ANO3: variants seen among roughly 807,000 people sequenced by gnomAD.
ANO3 encodes the protein anoctamin-3.
Under a neutral mutation model 144.8 loss-of-function variants are expected in ANO3, and 99 were observed. The ratio of observed to expected loss-of-function variants is 0.68; its 90% CI spans 0.58 to 0.81. The LOEUF (loss-of-function observed/expected upper bound fraction) is 0.81. Ranked by LOEUF, ANO3 falls within the 30% of genes least tolerant of loss-of-function variation. The pLI is 0.00. For synonymous variants in ANO3, 414 were observed against 392.6 expected, an observed-to-expected ratio of 1.05 and a Z score of -0.64; for missense variants, 905 against 1,202.2, an observed-to-expected ratio of 0.75 and a Z score of 3.66.
intron 7 of ANO3, among the ~76,000 whole-genome samples, chr11:26,526,259 T>G (rs905297673): frequency 1.3e-5 from 2 of 152,134 alleles, no homozygotes; most frequent in Non-Finnish European, 2.9e-5. Context: ...TAAGAATAAC[T>G]ATGGAAAAGG....
intron 4 of ANO3, among the ~76,000 whole-genome samples, chr11:26,487,480 G>A (rs181837648): frequency 9.9e-5 from 15 of 152,218 alleles, no homozygotes; most frequent in Middle Eastern, 6.8e-3. Context: ...GTAGAGTGGC[G>A]TGTTCCTGAA....
chr11:26,502,289 C>T (rs192362103), intron 4 of ANO3, among the ~76,000 whole-genome samples: 30 of 152,122 alleles, frequency 2.0e-4, no homozygotes, highest in East Asian at 9.7e-4. Context: ...ATCAGTGTTG[C>T]GACTGTTCTG....
Position 26,553,219 on chromosome 11 carries a change from G to GTTTTTTTTT in ANO3, c.1290-26_1290-25insTTTTTTTTT, listed in dbSNP as rs201093158. On this transcript the variant is annotated intron_variant, in intron 12 of 26. Transcript: ENST00000256737. ...TAGTCACAGTTTCATGCTATGTTTT[G>GTTTTTTTTT]TTTTGTTTTTGTTTTTGTTTTTTCT... 2.3e-4 allele frequency: 274 copies of GTTTTTTTTT among 1,198,454 alleles called. 13 individuals are homozygous for GTTTTTTTTT. Among genetic ancestry groups the GTTTTTTTTT allele is most frequent in the Middle Eastern group, 6.1e-4 (3 of 4,912 alleles). 74.2% of individuals were successfully genotyped at this position (1,198,454 alleles called of 1,614,324 possible).
At chr11:26,593,878 C>T (rs566780051) in intron 14 of ANO3, among the ~76,000 whole-genome samples, 25 of 152,200 alleles carry the variant, frequency 1.6e-4, no homozygotes, top group Admixed American at 1.3e-3. Context: ...CGTCCCGTTC[C>T]GCCTGCTCTT....
chr11:26,618,653 T>C (rs557926809), intron 17 of ANO3, among the ~76,000 whole-genome samples: 1 of 152,286 alleles, frequency 6.6e-6, no homozygotes, highest in East Asian at 1.9e-4. Context: ...CACTTTTCCA[T>C]TCTCTTCTTG....
intron 5 of ANO3, 35 bp downstream of exon 5, chr11:26,508,297 A>G (rs751046428): frequency 6.4e-7 from 1 of 1,553,518 alleles, no homozygotes; most frequent in African/African-American, 1.4e-5. Flanking sequence ...ATGTGATAAA[A>G]TGTGTTGGAA....
At chr11:26,612,668 C>T (rs1852133070) in intron 17 of ANO3, among the ~76,000 whole-genome samples, 1 of 151,920 alleles carries the variant, frequency 6.6e-6, no homozygotes, top group Admixed American at 6.6e-5. Context: ...TTTAGCATTT[C>T]TTGTAAGGCC....
intron 3 of ANO3, among the ~76,000 whole-genome samples, chr11:26,449,521 GCA>G (rs1429162835): frequency 5.5e-5 from 5 of 90,348 alleles, no homozygotes; most frequent in East Asian, 5.2e-4. Context: ...ACACACACAC[GCA>G]CGCACATCTC....
At position 26,643,252 on chromosome 11, in the gene ANO3, C is replaced by T. The variant is rs780966910; in HGVS notation, c.2346C>T (p.Asn782=). The T allele has an allele frequency of 2.5e-6, 4 of 1,614,186 alleles. No homozygotes were observed. Among genetic ancestry groups the T allele is most frequent in the Middle Eastern group, 1.6e-4 (1 of 6,062 alleles). The change falls in exon 23 of 27, where the codon AAC becomes AAT. Residue 782 remains asparagine, a synonymous_variant. Transcript: ENST00000256737. ...FPLAPLLALL[N]NIIEIRLDAY... ...TAGCCCCTCTTTTGGCTTTGTTAAA[C>T]AATATCATTGAAATCAGGCTGGATG...
intron 4 of ANO3, among the ~76,000 whole-genome samples, chr11:26,483,576 T>C (rs1408581032): frequency 2.0e-5 from 3 of 152,190 alleles, no homozygotes; most frequent in African/African-American, 7.2e-5. Flanking sequence ...GTAAGTTTTC[T>C]GAGTGCCCCC....
At chr11:26,409,566 G>A (rs77881987) in intron 1 of ANO3, among the ~76,000 whole-genome samples, 1 of 151,910 alleles carries the variant, frequency 6.6e-6, no homozygotes, top group Non-Finnish European at 1.5e-5. Context: ...CATGAATCAT[G>A]TCAGTACACT....
intron 7 of ANO3, among the ~76,000 whole-genome samples, chr11:26,530,415 GTT>G (rs754167831): frequency 1.6e-4 from 10 of 62,140 alleles, no homozygotes; most frequent in Admixed American, 4.4e-4. Flanking sequence ...AAAGCTGTTT[GTT>G]TTAAAAAAAA....
intron 14 of ANO3, among the ~76,000 whole-genome samples, chr11:26,594,034 G>A (rs538053584): frequency 6.6e-6 from 1 of 152,198 alleles, no homozygotes; most frequent in Admixed American, 6.5e-5. Flanking sequence ...TTACCTGGCC[G>A]TCAATAGAGT....
chr11:26,399,753 A>G (rs1378347815), intron 1 of ANO3, among the ~76,000 whole-genome samples: 1 of 151,710 alleles, frequency 6.6e-6, no homozygotes, highest in Non-Finnish European at 1.5e-5. Flanking sequence ...TGCACCTCCA[A>G]CCACACATTT....
intron 1 of ANO3, among the ~76,000 whole-genome samples, chr11:26,407,007 G>GGT (rs1429132914): frequency 7.9e-6 from 1 of 126,616 alleles, no homozygotes; most frequent in Non-Finnish European, 1.7e-5. Context: ...TATATATATA[G>GGT]GTGTGTATAT....
chr11:26,246,588 T>C (rs1852801176), intron 1 of ANO3, among the ~76,000 whole-genome samples: 1 of 149,486 alleles, frequency 6.7e-6, no homozygotes, highest in African/African-American at 2.6e-5. Flanking sequence ...TTCATAATAA[T>C]TTACCTTATT....
At chr11:26,564,432 T>A (rs201321590) in intron 14 of ANO3, among the ~76,000 whole-genome samples, 1 of 149,920 alleles carries the variant, frequency 6.7e-6, no homozygotes, top group Non-Finnish European at 1.5e-5. Flanking sequence ...AACAAATTAT[T>A]AAAAAAATTT....
chr11:26,362,852 A>G (rs1855964520), intron 1 of ANO3, among the ~76,000 whole-genome samples: 1 of 152,244 alleles, frequency 6.6e-6, no homozygotes, highest in African/African-American at 2.4e-5. Context: ...CAACATCAAC[A>G]GTACCTCATA....
chr11:26,320,378 T>C (rs1002837946), intron 1 of ANO3, among the ~76,000 whole-genome samples: 1 of 152,160 alleles, frequency 6.6e-6, no homozygotes, highest in Non-Finnish European at 1.5e-5. Flanking sequence ...AGAACATAGT[T>C]AGAGTTTAGC....
Sources: allele counts gnomAD v4.1 joint callset (sites outside exome capture counted in the v4.1 genomes callset), GRCh38; gene constraint gnomAD v4.1.1; transcripts MANE v1.5; gene names NCBI Gene and HGNC (gene_info 2026-07-23, HGNC 2026-07-21).